HNF4G: variants seen among roughly 807,000 people sequenced by gnomAD.
HNF4G encodes the protein hepatocyte nuclear factor 4 gamma, also known as hepatocyte nuclear factor 4-gamma.
Under a neutral mutation model 50.9 loss-of-function variants are expected in HNF4G, and 21 were observed. The observed-to-expected ratio is 0.41, with a 90% confidence interval of 0.29 to 0.59. The LOEUF is 0.59. Among genes scored for constraint, HNF4G ranks in the 20% least tolerant of loss-of-function variants. The probability of loss-of-function intolerance (pLI) is 0.26; values close to 1 mark genes in which losing one functional copy is unlikely to be tolerated. For synonymous variants in HNF4G, 198 were observed against 185.6 expected (o/e 1.07, Z -0.54); for missense variants, 527 against 559.4 (o/e 0.94, Z 0.58).
chr8:75,517,731 C>T lies in HNF4G; in HGVS notation c.-23-26080C>T, dbSNP rs554172000. 7.2e-5 allele frequency among the ~76,000 whole-genome samples: 11 copies of T among 152,242 alleles called. No homozygotes were observed. In the South Asian group the frequency reaches 8.3e-4, roughly 11 times the overall value. ...TTTCATGGGCTGGAGCTAAGTTCTG[C>T]GGCTTTTCCAGGTGCACAGTGCAAG... On this transcript the variant is annotated intron_variant, in intron 2 of 10. Transcript: ENST00000354370.
intron 1 of HNF4G, among the ~76,000 whole-genome samples, chr8:75,436,283 T>G (rs1811134310): frequency 1.3e-5 from 2 of 152,222 alleles, no homozygotes; most frequent in African/African-American, 4.8e-5. Flanking sequence ...GAAAACTGAC[T>G]AGCTCATCTG....
intron 2 of HNF4G, among the ~76,000 whole-genome samples, chr8:75,525,853 A>G (rs1806164111): frequency 6.6e-6 from 1 of 152,244 alleles, no homozygotes; most frequent in Non-Finnish European, 1.5e-5. Context: ...ATAGCAGCAA[A>G]CTAAAGAATG....
intron 2 of HNF4G, among the ~76,000 whole-genome samples, chr8:75,532,115 T>G (rs897891005): frequency 2.0e-5 from 3 of 152,058 alleles, no homozygotes; most frequent in Non-Finnish European, 2.9e-5. Context: ...CTCTACCTCA[T>G]CAAAAATAAA....
intron 2 of HNF4G, among the ~76,000 whole-genome samples, chr8:75,546,788 T>TA (rs1806793406): frequency 1.3e-5 from 2 of 152,202 alleles, no homozygotes; most frequent in South Asian, 4.1e-4. Context: ...GGCATTTGGA[T>TA]ATATCTCCAC....
intron 1 of HNF4G, among the ~76,000 whole-genome samples, chr8:75,540,820 C>G (rs1004511751): frequency 1.4e-5 from 2 of 146,790 alleles, no homozygotes; most frequent in African/African-American, 5.1e-5. Context: ...CTCCTAAGAT[C>G]GAGTAATTAT....
intron 2 of HNF4G, among the ~76,000 whole-genome samples, chr8:75,503,322 A>C (rs1812980591): frequency 6.6e-6 from 1 of 151,222 alleles, no homozygotes. Flanking sequence ...ACAGAGCTAT[A>C]AGTATTCAAT....
chr8:75,470,115 T>C (rs1179718151), intron 1 of HNF4G, among the ~76,000 whole-genome samples: 1 of 152,214 alleles, frequency 6.6e-6, no homozygotes, highest in Non-Finnish European at 1.5e-5. Flanking sequence ...TGATTCATCT[T>C]CCAGAGCAAA....
intron 1 of HNF4G, among the ~76,000 whole-genome samples, chr8:75,427,490 T>C (rs547980938): frequency 1.3e-5 from 2 of 151,948 alleles, no homozygotes; most frequent in South Asian, 4.2e-4. Context: ...GGCAGGAGAA[T>C]TGCTTGAACC....
At chr8:75,561,589 G>A (rs373810021) in intron 9 of HNF4G, among the ~76,000 whole-genome samples, 3 of 152,192 alleles carry the variant, frequency 2.0e-5, no homozygotes, top group African/African-American at 7.2e-5. Context: ...GACATGATCA[G>A]TCACTGATCA....
intron 2 of HNF4G, among the ~76,000 whole-genome samples, chr8:75,534,653 T>C (rs1041758538): frequency 2.6e-4 from 39 of 151,940 alleles, no homozygotes; most frequent in African/African-American, 9.2e-4. Context: ...TATAGTAGCA[T>C]CTTTCTAAAC....
At chr8:75,557,456 C>G (rs1015216799) in intron 6 of HNF4G, among the ~76,000 whole-genome samples, 1 of 152,068 alleles carries the variant, frequency 6.6e-6, no homozygotes, top group African/African-American at 2.4e-5. Context: ...CTCGTCTCTA[C>G]TAAAAATACA....
chr8:75,548,860 T>C (rs1048311306), intron 3 of HNF4G, among the ~76,000 whole-genome samples: 4 of 152,180 alleles, frequency 2.6e-5, no homozygotes, highest in African/African-American at 9.7e-5. Flanking sequence ...GAAATACCAT[T>C]AGTTTTGCTC....
At chr8:75,476,690 T>C (rs1262396122) in intron 1 of HNF4G, among the ~76,000 whole-genome samples, 1 of 152,236 alleles carries the variant, frequency 6.6e-6, no homozygotes, top group Non-Finnish European at 1.5e-5. Flanking sequence ...TAGAAATTCC[T>C]GTCTGTGTAA....
intron 2 of HNF4G, among the ~76,000 whole-genome samples, chr8:75,492,583 A>G (rs1812658494): frequency 6.6e-6 from 1 of 152,180 alleles, no homozygotes; most frequent in Non-Finnish European, 1.5e-5. Flanking sequence ...TAACACTTGC[A>G]CATAATTTAT....
chr8:75,543,853 G>A lies in HNF4G; in HGVS notation c.161G>A (p.Gly54Asp). 2 of 1,613,358 alleles carry A rather than the reference G, an allele frequency of 1.2e-6. No individual in the cohort carries two copies. The highest frequency in any genetic ancestry group is 1.1e-5 in the South Asian group (1 of 90,982). The stretch of plus-strand genomic sequence containing the variant: ...ACAAGTATGAATACCACAGACAACG[G>A]TGTCAACTGTCTGTGTGCTATCTGT... ...PETSMNTTDN[G>D]VNCLCAICGD... The change falls in exon 2 of 10, where the codon GGT becomes GAT. Residue 54 changes from glycine (G) to aspartate (D), a missense_variant. Physicochemically the swap from Gly to Asp is moderately conservative, Grantham distance 94 (BLOSUM62 -1). This residue lies in a region of HNF4G where 84 missense variants were observed against 87.1 expected (regional missense o/e 0.96). Coordinates refer to ENST00000396423, the MANE Select transcript of HNF4G (RefSeq NM_004133.5).
At chr8:75,495,171 T>C (rs1812735959) in intron 2 of HNF4G, among the ~76,000 whole-genome samples, 1 of 152,226 alleles carries the variant, frequency 6.6e-6, no homozygotes, top group African/African-American at 2.4e-5. Context: ...CTTAAACTAG[T>C]ATCCTCCTAC....
At chr8:75,459,991 A>AT (rs1811806888) in intron 1 of HNF4G, among the ~76,000 whole-genome samples, 3 of 152,028 alleles carry the variant, frequency 2.0e-5, no homozygotes, top group Non-Finnish European at 2.9e-5. Context: ...GAATTTGCCT[A>AT]GTTGTGAGGC....
chr8:75,442,240 G>A (rs1001768855), intron 1 of HNF4G, among the ~76,000 whole-genome samples: 3 of 152,084 alleles, frequency 2.0e-5, no homozygotes, highest in Non-Finnish European at 4.4e-5. Context: ...AGGGCACATC[G>A]AAATTACTGT....
intron 9 of HNF4G, among the ~76,000 whole-genome samples, chr8:75,563,563 A>G (rs1807378706): frequency 6.6e-6 from 1 of 152,030 alleles, no homozygotes; most frequent in South Asian, 2.1e-4. Flanking sequence ...AACCAAATAT[A>G]TTTTTATTTT....
Sources: allele counts gnomAD v4.1 joint callset (sites outside exome capture counted in the v4.1 genomes callset), GRCh38; gene constraint gnomAD v4.1.1; regional missense constraint gnomAD v4.1.1; transcripts MANE v1.5; gene names NCBI Gene and HGNC (gene_info 2026-07-23, HGNC 2026-07-21).